The following SNTG1 variants were observed in gnomAD, a reference collection of about 807,000 sequenced individuals.
The protein encoded by SNTG1 is gamma-1-syntrophin.
A neutral mutation model predicts 74.7 loss-of-function variants in SNTG1; 39 were observed. The ratio of observed to expected loss-of-function variants is 0.52; its 90% CI spans 0.40 to 0.68. SNTG1 has a LOEUF of 0.68. SNTG1 is among the 30% of genes least tolerant of loss of function. The pLI, the probability that SNTG1 is intolerant of heterozygous loss-of-function variation, is 0.00. For missense variants in SNTG1, 685 were observed against 609.5 expected, an observed-to-expected ratio of 1.12 and a Z score of -1.30; for synonymous variants, 254 against 217.1, an observed-to-expected ratio of 1.17 and a Z score of -1.49.
intron 3 of SNTG1, among the ~76,000 whole-genome samples, chr8:50,396,266 G>C (rs2092727527): frequency 6.6e-6 from 1 of 152,160 alleles, no homozygotes; most frequent in South Asian, 2.1e-4. Context: ...TATTGCTGAA[G>C]TCACTATATG....
Position 50,361,661 on chromosome 8 carries a change from A to AT in SNTG1, c.-27-32543dup, listed in dbSNP as rs528815071. Reference sequence around the variant, plus strand: ...TCTTCTGCTAAACCCTTCATTGTGAATTTTTTTTGGGGGAGGTCACTGGGC... The same window carrying AT: ...TCTTCTGCTAAACCCTTCATTGTGAATTTTTTTTTGGGGGAGGTCACTGGGC... On this transcript the variant is annotated intron_variant, in intron 2 of 18. Transcript: ENST00000642720. 2.0e-4 allele frequency among the ~76,000 whole-genome samples: 31 copies of AT among 151,916 alleles called. No individual in the cohort carries two copies. In the South Asian group the frequency reaches 3.7e-3, roughly 18 times the overall value.
intron 1 of SNTG1, among the ~76,000 whole-genome samples, chr8:49,960,940 G>T (rs1810626058): frequency 6.6e-6 from 1 of 152,182 alleles, no homozygotes; most frequent in African/African-American, 2.4e-5. Flanking sequence ...GCCCTACACA[G>T]GAAGAGCATT....
At chr8:50,538,421 G>A (rs2094322714) in intron 11 of SNTG1, among the ~76,000 whole-genome samples, 1 of 152,102 alleles carries the variant, frequency 6.6e-6, no homozygotes, top group African/African-American at 2.4e-5. Flanking sequence ...ATTCTTTAAA[G>A]GTAGATTTGC....
intron 1 of SNTG1, among the ~76,000 whole-genome samples, chr8:49,971,722 CA>C (rs1554535005): frequency 2.6e-5 from 4 of 152,074 alleles, no homozygotes; most frequent in Non-Finnish European, 1.5e-5. Context: ...ACACCAATAA[CA>C]GACAAACAGA....
intron 8 of SNTG1, among the ~76,000 whole-genome samples, chr8:50,485,422 G>C (rs568547535): frequency 1.3e-5 from 2 of 151,908 alleles, no homozygotes; most frequent in Non-Finnish European, 2.9e-5. Context: ...CTTTTAACTG[G>C]TTGTAAATAT....
chr8:50,516,506 G>A (rs1212647723), intron 9 of SNTG1, among the ~76,000 whole-genome samples: 1 of 152,012 alleles, frequency 6.6e-6, no homozygotes, highest in African/African-American at 2.4e-5. Context: ...TCTGAGCTAA[G>A]GGATCATGTC....
chr8:50,239,192 A>G (rs1240961464), intron 2 of SNTG1, among the ~76,000 whole-genome samples: 1 of 152,204 alleles, frequency 6.6e-6, no homozygotes, highest in Non-Finnish European at 1.5e-5. Context: ...TTGCACATCT[A>G]TGTTCATCAC....
intron 1 of SNTG1, among the ~76,000 whole-genome samples, chr8:49,986,583 AGTGGTTCATGCCTGTAAT>A (rs1340514899): frequency 2.0e-5 from 3 of 152,006 alleles, no homozygotes; most frequent in African/African-American, 4.8e-5. Context: ...GCACTTTTGG[AGTGGTTCATGCCTGTAAT>A]GTGGTTCATG....
intron 1 of SNTG1, among the ~76,000 whole-genome samples, chr8:50,157,364 C>T (rs2082285336): frequency 6.6e-6 from 1 of 152,064 alleles, no homozygotes; most frequent in African/African-American, 2.4e-5. Context: ...TAAAACTCAT[C>T]AAACTGTGTC....
At chr8:50,038,562 T>C (rs1352620847) in intron 1 of SNTG1, among the ~76,000 whole-genome samples, 2 of 152,208 alleles carry the variant, frequency 1.3e-5, no homozygotes, top group African/African-American at 4.8e-5. Context: ...TTGATTTAGA[T>C]CATTTTTCTT....
At chr8:50,509,654 A>C (rs2094046756) in intron 9 of SNTG1, among the ~76,000 whole-genome samples, 1 of 151,924 alleles carries the variant, frequency 6.6e-6, no homozygotes. Flanking sequence ...TTGGATTCCT[A>C]GGTATTTTAT....
chr8:50,303,855 G>C (rs559517308), intron 2 of SNTG1, among the ~76,000 whole-genome samples: 34 of 151,986 alleles, frequency 2.2e-4, no homozygotes, highest in Non-Finnish European at 4.6e-4. Context: ...AACTCCATTT[G>C]ATGTTTTTAT....
chr8:49,981,414 T>A (rs1812667627), intron 1 of SNTG1, among the ~76,000 whole-genome samples: 1 of 132,182 alleles, frequency 7.6e-6, no homozygotes, highest in Non-Finnish European at 1.6e-5. Context: ...GTTTCCTTTA[T>A]CTTGGAGGCA....
intron 1 of SNTG1, among the ~76,000 whole-genome samples, chr8:50,062,287 T>C (rs1480394595): frequency 6.6e-6 from 1 of 152,176 alleles, no homozygotes; most frequent in Non-Finnish European, 1.5e-5. Context: ...CCTCAGGTGA[T>C]ATGCCTGCCT....
chr8:49,939,591 C>T (rs765057249), intron 1 of SNTG1, among the ~76,000 whole-genome samples: 4 of 152,198 alleles, frequency 2.6e-5, no homozygotes, highest in African/African-American at 4.8e-5. Context: ...TTTAGGCCAC[C>T]GTGCCTGGCC....
intron 2 of SNTG1, among the ~76,000 whole-genome samples, chr8:50,350,256 C>T (rs979208720): frequency 2.6e-5 from 4 of 152,118 alleles, no homozygotes; most frequent in African/African-American, 9.7e-5. Context: ...CCGCCCCCTG[C>T]TCCACCGGAG....
At chr8:50,321,045 G>A (rs1316230784) in intron 2 of SNTG1, among the ~76,000 whole-genome samples, 1 of 152,026 alleles carries the variant, frequency 6.6e-6, no homozygotes, top group Non-Finnish European at 1.5e-5. Context: ...ATACATATAG[G>A]TCCTTTTGAT....
intron 11 of SNTG1, among the ~76,000 whole-genome samples, chr8:50,544,812 G>A (rs1355937847): frequency 1.3e-5 from 2 of 151,972 alleles, no homozygotes; most frequent in Non-Finnish European, 2.9e-5. Flanking sequence ...TCTGTAAGTG[G>A]GAGACATTAT....
intron 17 of SNTG1, among the ~76,000 whole-genome samples, chr8:50,737,917 T>G (rs2131646208): frequency 6.6e-6 from 1 of 152,148 alleles, no homozygotes; most frequent in Non-Finnish European, 1.5e-5. Flanking sequence ...CTCAAAATAA[T>G]AAGAGCTATT....
Sources: allele counts gnomAD v4.1 joint callset (sites outside exome capture counted in the v4.1 genomes callset), GRCh38; gene constraint gnomAD v4.1.1; transcripts MANE v1.5; gene names NCBI Gene and HGNC (gene_info 2026-07-23, HGNC 2026-07-21).